The following SLC2A11 variants were observed in gnomAD, a reference collection of about 807,000 sequenced individuals.
The protein encoded by SLC2A11 is solute carrier family 2 member 11, also known as solute carrier family 2, facilitated glucose transporter member 11.
Under a neutral mutation model 52.1 loss-of-function variants are expected in SLC2A11, and 43 were observed. The ratio of observed to expected loss-of-function variants is 0.82; its 90% confidence interval spans 0.65 to 1.06. SLC2A11 has a LOEUF of 1.06. SLC2A11 is among the 50% of genes least tolerant of loss of function. The pLI is 0.00. For synonymous variants in SLC2A11, 261 were observed against 277.6 expected, an observed-to-expected ratio of 0.94 and a Z score of 0.59; for missense variants, 582 against 654.2, an observed-to-expected ratio of 0.89 and a Z score of 1.20.
upstream of SLC2A11, chr22:23,857,369 G>A: frequency 7.4e-7 from 1 of 1,359,346 alleles, no homozygotes; most frequent in Non-Finnish European, 1.0e-6. Flanking sequence ...GAGGGCGAAT[G>A]CAGGGGCTTG....
chr22:23,863,979 T>C (rs973497282), intron 2 of SLC2A11, among the ~76,000 whole-genome samples: 5 of 152,060 alleles, frequency 3.3e-5, no homozygotes, highest in African/African-American at 1.2e-4. Context: ...CCAGATTCAC[T>C]TCCTGCCAGC....
chr22:23,882,353 G>A (rs1185584114), intron 6 of SLC2A11, 106 bp from the exon 7 acceptor site: 7 of 1,011,376 alleles, frequency 6.9e-6, no homozygotes, highest in African/African-American at 3.2e-5. Flanking sequence ...GAGACAGAGA[G>A]TGAGCCAAGA....
In SLC2A11 at chr22:23,884,752, A is replaced by G; in HGVS notation, c.1403A>G (p.Gln468Arg). Residue 468 changes from glutamine to arginine, a missense_variant, in exon 12 of 12, where the codon CAA (glutamine) becomes CGA (arginine). Coordinates refer to ENST00000316185, the MANE Select transcript of SLC2A11 (RefSeq NM_001024939.4). This position sits in a 1 kb window ranked among gnomAD's most constrained non-coding sequence, Gnocchi z 4.3. ...FLPETKGKTF[Q>R]EISKELHRLN... ...CCTGAGACCAAAGGCAAGACCTTCC[A>G]AGAGATCTCCAAGGAATTACACAGA... The G allele has an allele frequency of 6.2e-7, 1 of 1,614,132 alleles. No individual in the cohort carries two copies. The highest frequency in any genetic ancestry group is 1.3e-5 in the African/African-American group (1 of 75,022).
chr22:23,864,268 G>A (rs1385783887), intron 2 of SLC2A11, among the ~76,000 whole-genome samples: 1 of 152,186 alleles, frequency 6.6e-6, no homozygotes, highest in African/African-American at 2.4e-5. Flanking sequence ...GCCTCTTAAA[G>A]AAAGGATGAG....
In SLC2A11 at chr22:23,884,985, T is replaced by C. The variant is rs1438233627; in HGVS notation, c.*136T>C. On this transcript the variant is annotated 3_prime_UTR_variant, in exon 12 of 12. Coordinates refer to ENST00000316185, the MANE Select transcript of SLC2A11 (RefSeq NM_001024939.4). The surrounding 1 kb of genome is among the most constrained non-coding windows in gnomAD (Gnocchi z 4.3). ...AGCACCCTTTGTGTGCAGACATGGCTCCAGGTGCTTAGCAATCAATGGTGA... is the reference window on the plus strand; with the variant it reads ...AGCACCCTTTGTGTGCAGACATGGCCCCAGGTGCTTAGCAATCAATGGTGA... 4 of 679,934 alleles carry C rather than the reference T, an allele frequency of 5.9e-6. No homozygotes were observed. In the East Asian group the frequency reaches 8.3e-5, roughly 14 times the overall value. 42.1% of individuals were successfully genotyped at this position (679,934 alleles called of 1,614,324 possible).
Position 23,882,631 on chromosome 22 carries a change from C to T in SLC2A11, c.867C>T (p.Leu289=). Residue 289 remains leucine, a synonymous_variant, in exon 7 of 12, where the codon CTC becomes CTT. Transcript: ENST00000316185. ...SLVVLGSAME[L]CGNDSVYAYA... is the part of the protein sequence containing the mutation. ...TGGTTCTGGGCAGTGCCATGGAGCT[C>T]TGCGGGAATGACTCGGTGAGACCCC... 6.2e-7 allele frequency: 1 copy of T among 1,612,666 alleles called. No homozygotes were observed. Among genetic ancestry groups the T allele is most frequent in the East Asian group, 2.2e-5 (1 of 44,850 alleles).
intron 3 of SLC2A11, among the ~76,000 whole-genome samples, chr22:23,873,825 C>T (rs539390788): frequency 3.9e-5 from 6 of 152,214 alleles, no homozygotes; most frequent in South Asian, 2.1e-4. Flanking sequence ...ACCACTGGAT[C>T]GAGTTTGTTA....
chr22:23,857,362 G>A, upstream of SLC2A11: 8 of 1,496,636 alleles, frequency 5.3e-6, no homozygotes, highest in Non-Finnish European at 5.5e-6. Context: ...CACTTGCGAG[G>A]GCGAATGCAG....
intron 2 of SLC2A11, chr22:23,867,830 G>A (rs2146116090): frequency 4.3e-6 from 2 of 464,936 alleles, no homozygotes; most frequent in Non-Finnish European, 4.5e-6. Context: ...TACTCTCCCA[G>A]GATCAGGCCC....
upstream of SLC2A11, among the ~76,000 whole-genome samples, chr22:23,857,686 C>T (rs2031897458): frequency 6.6e-6 from 1 of 152,056 alleles, no homozygotes; most frequent in Non-Finnish European, 1.5e-5. Context: ...AGGCGCCCTC[C>T]GCGACACTCT....
chr22:23,870,659 G>A (rs896486063), intron 3 of SLC2A11: 1 of 151,808 alleles, frequency 6.6e-6, no homozygotes, highest in Non-Finnish European at 1.5e-5. Context: ...ATATTTTCAC[G>A]TTCTGGGCTA....
chr22:23,883,061 C>T, intron 8 of SLC2A11, 192 bp downstream of exon 8: 1 of 672,250 alleles, frequency 1.5e-6, no homozygotes, highest in Middle Eastern at 2.9e-4. Flanking sequence ...GAGTTCGAGA[C>T]CAGCCTGGCC....
intron 3 of SLC2A11, chr22:23,869,929 A>G (rs767585694): frequency 5.5e-5 from 39 of 708,872 alleles, no homozygotes; most frequent in Admixed American, 8.4e-5. Flanking sequence ...GAGCCTGCCT[A>G]GTTCCCTCCA....
At chr22:23,865,920 C>CT (rs1284283792) in intron 2 of SLC2A11, 1 of 152,364 alleles carries the variant, frequency 6.6e-6, no homozygotes, top group Non-Finnish European at 1.5e-5. Flanking sequence ...AATCCGAACA[C>CT]TTTGAGAGGC....
chr22:23,872,366 A>G (rs1270247650), intron 3 of SLC2A11: 3 of 151,938 alleles, frequency 2.0e-5, no homozygotes, highest in African/African-American at 4.8e-5. Context: ...ATATATATGT[A>G]TATGGATAGT....
chr22:23,861,039 A>G (rs960249423), intron 1 of SLC2A11, among the ~76,000 whole-genome samples: 2 of 151,258 alleles, frequency 1.3e-5, no homozygotes, highest in Non-Finnish European at 3.0e-5. Context: ...TAGAGGCGGG[A>G]TTTCACCGTG....
Position 23,883,863 on chromosome 22 carries a change from T to C in SLC2A11, c.1085T>C (p.Leu362Pro). 3.1e-6 allele frequency: 5 copies of C among 1,600,036 alleles called. 1 individual carries two copies. The Admixed American group carries it at 5.4e-5, about 17-fold the overall frequency. Residue 362 changes from leucine (L) to proline (P), a missense_variant, in exon 9 of 12, where the codon CTG becomes CCG. By Grantham distance (98) the Leu-to-Pro change is moderately conservative. Transcript: ENST00000316185. ...TGGGGGAGCATCTTCACTGTGGCCCTGTGCCTGCAGGTAGCTGGGGTGGAT... is the reference window on the plus strand; with the variant it reads ...TGGGGGAGCATCTTCACTGTGGCCCCGTGCCTGCAGGTAGCTGGGGTGGAT... ...TCWGSIFTVA[L>P]CLQSSFPWTL...
In SLC2A11 at chr22:23,882,838, G is replaced by GGAGCTGC. The variant is rs1167712386; in HGVS notation, c.970_976dup (p.Leu326ArgfsTer8). The GGAGCTGC allele has an allele frequency of 3.7e-6, 6 of 1,613,488 alleles. No individual in the cohort carries two copies. Among genetic ancestry groups the GGAGCTGC allele is most frequent in the Middle Eastern group, 1.6e-4 (1 of 6,084 alleles). ...ATCCAGTACGCGATCATCGGGACTGGGAGCTGCGAGCTGCTCACGGCGGTT... is the reference window on the plus strand; with the variant it reads ...ATCCAGTACGCGATCATCGGGACTGGGAGCTGCGAGCTGCGAGCTGCTCACGGCGGTT... On this transcript the variant is annotated frameshift_variant, in exon 8 of 12. Coordinates refer to ENST00000316185, the MANE Select transcript of SLC2A11 (RefSeq NM_001024939.4). LOFTEE classifies it high-confidence loss of function.
chr22:23,879,011 A>G (rs1018344108), intron 6 of SLC2A11, among the ~76,000 whole-genome samples: 2 of 152,108 alleles, frequency 1.3e-5, no homozygotes, highest in African/African-American at 4.8e-5. Context: ...AATCTATAAC[A>G]ATTCTGAAGC....
Sources: gnomAD v4.1 joint callset for allele counts (sites outside exome capture counted in the v4.1 genomes callset) on GRCh38, gnomAD v4.1.1 for gene constraint, Gnocchi (gnomAD v3.1) non-coding constraint, MANE v1.5 for transcripts, NCBI Gene and HGNC (gene_info 2026-07-23, HGNC 2026-07-21) for gene names.